Variants in LIN7A observed in about 807,000 individuals in gnomAD.
LIN7A encodes the protein protein lin-7 homolog A.
In LIN7A, 25 loss-of-function variants were observed where a neutral mutation model predicts 29.8. The ratio of observed to expected loss-of-function variants is 0.84; its 90% CI spans 0.61 to 1.17. The LOEUF (loss-of-function observed/expected upper bound fraction) is 1.17. Among genes scored for constraint, LIN7A ranks in the 50% most tolerant of loss-of-function variants. The probability of loss-of-function intolerance (pLI) is 0.00; values close to 1 mark genes in which losing one functional copy is unlikely to be tolerated. For missense variants in LIN7A, 239 were observed against 287.0 expected (o/e 0.83, Z 1.21); for synonymous variants, 118 against 107.5 (o/e 1.10, Z -0.60).
At chr12:80,877,319 A>G (rs1874761702) in intron 2 of LIN7A, among the ~76,000 whole-genome samples, 2 of 152,108 alleles carry the variant, frequency 1.3e-5, no homozygotes, top group Non-Finnish European at 2.9e-5. Flanking sequence ...AAACTGTGAT[A>G]TCTTCACACA....
intron 2 of LIN7A, among the ~76,000 whole-genome samples, chr12:80,852,285 A>G (rs987724987): frequency 6.6e-6 from 1 of 152,184 alleles, no homozygotes; most frequent in South Asian, 2.1e-4. Flanking sequence ...AAGTTTACAT[A>G]CACAGGTTAT....
intron 1 of LIN7A, chr12:80,935,767 CT>C (rs1878179448): frequency 2.0e-6 from 1 of 509,308 alleles, no homozygotes; most frequent in African/African-American, 1.9e-5. Flanking sequence ...ACCTGCTTGT[CT>C]CCTGAGCTAC....
intron 2 of LIN7A, among the ~76,000 whole-genome samples, chr12:80,856,403 T>G (rs1284986821): frequency 1.3e-5 from 2 of 152,146 alleles, no homozygotes; most frequent in African/African-American, 4.8e-5. Flanking sequence ...ACTGGTAAAA[T>G]AAATGTGGCA....
chr12:80,807,072 T>TGTTTTTTG (rs777411417), intron 5 of LIN7A, among the ~76,000 whole-genome samples: 1 of 120,264 alleles, frequency 8.3e-6, no homozygotes, highest in South Asian at 2.7e-4. Flanking sequence ...AGTTTTTTTT[T>TGTTTTTTG]TTTTTTTTTT....
Position 80,880,788 on chromosome 12 carries a change from G to T in LIN7A, c.201+8463C>A, listed in dbSNP as rs184524802. On this transcript the variant is annotated intron_variant, in intron 2 of 5. Coordinates refer to ENST00000552864, the MANE Select transcript of LIN7A (RefSeq NM_004664.4). ...ACACACACACACATACACACACACA[G>T]ACACACACACACACATCGACATTCA... Among the ~76,000 whole-genome samples the T allele has an allele frequency of 2.4e-5, 3 of 122,542 alleles. No homozygotes were observed. In the East Asian group the frequency reaches 6.8e-4, roughly 28 times the overall value. 80.4% of individuals were successfully genotyped at this position (122,542 alleles called of 152,430 possible). A position where few individuals can be genotyped will look rare whatever the true frequency, so the allele number is the denominator to read the frequency against.
At chr12:80,884,488 AGTC>A (rs2120611598) in intron 2 of LIN7A, among the ~76,000 whole-genome samples, 2 of 152,328 alleles carry the variant, frequency 1.3e-5, no homozygotes, top group South Asian at 2.1e-4. Context: ...AAACATTACT[AGTC>A]GTCTAGCAAA....
intron 1 of LIN7A, among the ~76,000 whole-genome samples, chr12:80,917,049 T>C (rs1366158467): frequency 6.6e-6 from 1 of 152,016 alleles, no homozygotes; most frequent in Non-Finnish European, 1.5e-5. Context: ...TAAAGAATGA[T>C]GGGAGTAGGG....
Position 80,901,183 on chromosome 12 carries a change from A to G in LIN7A, c.83-11814T>C, listed in dbSNP as rs933656493. 3.3e-5 allele frequency among the ~76,000 whole-genome samples: 5 copies of G among 152,158 alleles called. No homozygotes were observed. In the South Asian group the frequency reaches 1.0e-3, roughly 32 times the overall value. ...AAAACCACTATGTAACAGATTAGCA[A>G]TATGATATAACTCAACAGTGCACTG... On this transcript the variant is annotated intron_variant, in intron 1 of 5. Coordinates refer to ENST00000552864, the MANE Select transcript of LIN7A (RefSeq NM_004664.4).
intron 4 of LIN7A, among the ~76,000 whole-genome samples, chr12:80,812,676 C>T (rs1394398951): frequency 6.6e-6 from 1 of 152,042 alleles, no homozygotes; most frequent in Non-Finnish European, 1.5e-5. Context: ...CTCAGCCTCT[C>T]GAGTAGCTGG....
intron 4 of LIN7A, among the ~76,000 whole-genome samples, chr12:80,814,723 G>A (rs555745534): frequency 2.0e-5 from 3 of 152,220 alleles, no homozygotes; most frequent in Admixed American, 2.0e-4. Context: ...TCCCTGCTCT[G>A]CCCTCTCCCA....
At chr12:80,899,640 G>A (rs1876090739) in intron 1 of LIN7A, among the ~76,000 whole-genome samples, 1 of 151,540 alleles carries the variant, frequency 6.6e-6, no homozygotes, top group South Asian at 2.1e-4. Context: ...GGTATGCTGT[G>A]TATTACTGAT....
At chr12:80,856,607 T>C (rs888720953) in intron 2 of LIN7A, among the ~76,000 whole-genome samples, 1 of 152,150 alleles carries the variant, frequency 6.6e-6, no homozygotes, top group Non-Finnish European at 1.5e-5. Context: ...ATTAGCTCCA[T>C]TACTTTCATT....
chr12:80,918,044 CTTTTCT>C (rs1301251761), intron 1 of LIN7A, among the ~76,000 whole-genome samples: 8 of 151,768 alleles, frequency 5.3e-5, no homozygotes, highest in Admixed American at 4.6e-4. Flanking sequence ...CATTGTTTTT[CTTTTCT>C]TTTTCTTTTT....
intron 2 of LIN7A, among the ~76,000 whole-genome samples, chr12:80,878,794 T>C (rs1485216273): frequency 1.3e-5 from 2 of 152,110 alleles, no homozygotes; most frequent in East Asian, 3.9e-4. Context: ...AGAGAGCTGA[T>C]TGGTGAGTTT....
At chr12:80,933,397 T>A (rs1468521273) in intron 1 of LIN7A, among the ~76,000 whole-genome samples, 1 of 152,170 alleles carries the variant, frequency 6.6e-6, no homozygotes, top group African/African-American at 2.4e-5. Context: ...TACTCTTCAC[T>A]CTCTCCAGAA....
chr12:80,842,549 A>G (rs1872871587), intron 4 of LIN7A, among the ~76,000 whole-genome samples: 1 of 152,152 alleles, frequency 6.6e-6, no homozygotes, highest in Non-Finnish European at 1.5e-5. Flanking sequence ...AATCTCCTGA[A>G]ATTGTACCTT....
chr12:80,822,722 G>A (rs1225174023), intron 4 of LIN7A, among the ~76,000 whole-genome samples: 1 of 152,138 alleles, frequency 6.6e-6, no homozygotes, highest in East Asian at 1.9e-4. Flanking sequence ...GAAAGCCGAG[G>A]GGGCCTAAGG....
chr12:80,848,350 G>A (rs1873175211), intron 2 of LIN7A, 28 bp from the exon 3 acceptor site: 2 of 1,437,198 alleles, frequency 1.4e-6, no homozygotes, highest in South Asian at 1.2e-5. Context: ...AAAGAAGAAT[G>A]TGTAAGAACA....
intron 2 of LIN7A, among the ~76,000 whole-genome samples, chr12:80,886,526 CAT>C (rs1385630258): frequency 6.6e-6 from 1 of 151,930 alleles, no homozygotes; most frequent in Non-Finnish European, 1.5e-5. Flanking sequence ...TAAACCATAA[CAT>C]ATGAATGGCA....
Sources: gnomAD v4.1 joint callset for allele counts (sites outside exome capture counted in the v4.1 genomes callset) on GRCh38, gnomAD v4.1.1 for gene constraint, MANE v1.5 for transcripts, NCBI Gene and HGNC (gene_info 2026-07-23, HGNC 2026-07-21) for gene names.